The following ARHGAP42 variants were observed in gnomAD, a reference collection of about 807,000 sequenced individuals.
The protein encoded by ARHGAP42 is Rho GTPase activating protein 42.
A neutral mutation model predicts 125.0 loss-of-function variants in ARHGAP42; 63 were observed. The observed-to-expected ratio is 0.50, with a 90% confidence interval of 0.41 to 0.62. The LOEUF (loss-of-function observed/expected upper bound fraction) is 0.62, where lower values mean the gene tolerates loss of function less well. ARHGAP42 is among the 20% of genes least tolerant of loss of function. The pLI is 0.00. For missense variants in ARHGAP42, 766 were observed against 1,024.2 expected, an observed-to-expected ratio of 0.75 and a Z score of 3.44; for synonymous variants, 339 against 351.0, an observed-to-expected ratio of 0.97 and a Z score of 0.38.
chr11:100,921,214 C>T (rs10750597), intron 5 of ARHGAP42, among the ~76,000 whole-genome samples: 6,229 of 35,870 alleles, frequency 0.17, 687 homozygotes, highest in Middle Eastern at 0.27. Flanking sequence ...TATATATATA[C>T]ATATATATAT....
At position 100,976,114 on chromosome 11, in the gene ARHGAP42, C is replaced by T. The variant is rs1481222852; in HGVS notation, c.1913C>T (p.Ser638Phe). Residue 638 changes from serine to phenylalanine, a missense_variant, in exon 20 of 24, where the codon TCT becomes TTT. By Grantham distance (155) the Ser-to-Phe change is radical (BLOSUM62 -2). Around this residue, in one of 3 missense-constraint regions of ARHGAP42, gnomAD observed 308 missense variants for 369.7 expected, o/e 0.83. Coordinates refer to ENST00000298815, the MANE Select transcript of ARHGAP42 (RefSeq NM_152432.4). ...STPMGSIESLSSHSSEQNSTT... is the reference protein window; with the variant it reads ...STPMGSIESLFSHSSEQNSTT... ...CCTATGGGGAGCATTGAGTCACTCT[C>T]TTCTCATTCCTCTGAACAAAATAGC... The T allele has an allele frequency of 6.4e-6, 10 of 1,550,540 alleles. No individual in the cohort carries two copies. The highest frequency in any genetic ancestry group is 2.7e-5 in the African/African-American group (2 of 73,042).
chr11:100,701,221 A>T (rs573815903), intron 1 of ARHGAP42, among the ~76,000 whole-genome samples: 22 of 151,220 alleles, frequency 1.5e-4, no homozygotes, highest in Non-Finnish European at 2.5e-4. Flanking sequence ...GTGTACTGTC[A>T]TTCAGGCTTT....
intron 7 of ARHGAP42, among the ~76,000 whole-genome samples, chr11:100,935,771 A>G (rs539488724): frequency 4.5e-4 from 69 of 152,246 alleles, no homozygotes; most frequent in African/African-American, 1.4e-3. Flanking sequence ...TTGGGACCCA[A>G]CATCACAAAG....
At chr11:100,860,804 A>C (rs974371462) in intron 4 of ARHGAP42, among the ~76,000 whole-genome samples, 1 of 152,140 alleles carries the variant, frequency 6.6e-6, no homozygotes, top group African/African-American at 2.4e-5. Context: ...CTTGATTAGA[A>C]TTTTATGTGC....
Position 100,740,532 on chromosome 11 carries a change from A to G in ARHGAP42, c.155-29811A>G, listed in dbSNP as rs919136387. ...TAAAGTGCTATTCTTTGCCATTTGA[A>G]GGCAGTATCATTCATGCCATGAACA... On this transcript the variant is annotated intron_variant, in intron 1 of 23. Coordinates refer to ENST00000298815, the MANE Select transcript of ARHGAP42 (RefSeq NM_152432.4). Among the ~76,000 whole-genome samples the G allele has an allele frequency of 6.6e-5, 10 of 152,244 alleles. 1 individual carries two copies. The highest frequency in any genetic ancestry group is 3.9e-4 in the Admixed American group (6 of 15,280).
At chr11:100,752,355 T>C (rs1466099511) in intron 1 of ARHGAP42, among the ~76,000 whole-genome samples, 1 of 152,214 alleles carries the variant, frequency 6.6e-6, no homozygotes, top group Non-Finnish European at 1.5e-5. Flanking sequence ...GTTGGGGTAT[T>C]GTTGCAGACT....
intron 4 of ARHGAP42, among the ~76,000 whole-genome samples, chr11:100,876,746 A>G (rs1204373774): frequency 6.6e-6 from 1 of 152,252 alleles, no homozygotes; most frequent in Non-Finnish European, 1.5e-5. Flanking sequence ...GGTAAGCTCT[A>G]CCATTTATAT....
chr11:100,905,319 G>A (rs1866694823), intron 4 of ARHGAP42, among the ~76,000 whole-genome samples: 1 of 152,208 alleles, frequency 6.6e-6, no homozygotes, highest in African/African-American at 2.4e-5. Context: ...CAGAGATGGA[G>A]CAAGGAGCTG....
intron 1 of ARHGAP42, among the ~76,000 whole-genome samples, chr11:100,727,091 A>C (rs1052101413): frequency 6.6e-6 from 1 of 152,220 alleles, no homozygotes; most frequent in Non-Finnish European, 1.5e-5. Context: ...CCATAGATGA[A>C]AGAAATGAAG....
intron 1 of ARHGAP42, among the ~76,000 whole-genome samples, chr11:100,749,474 T>C (rs1388740590): frequency 6.6e-6 from 1 of 151,394 alleles, no homozygotes; most frequent in Non-Finnish European, 1.5e-5. Flanking sequence ...AAACCAGGCA[T>C]GTCTCGCCTG....
At chr11:100,770,555 G>A in intron 2 of ARHGAP42, 117 bp downstream of exon 2, 2 of 804,954 alleles carry the variant, frequency 2.5e-6, no homozygotes, top group Non-Finnish European at 3.6e-6. Context: ...AATACTATAA[G>A]AGTGATTTTA....
chr11:100,918,577 C>T (rs371326736), intron 5 of ARHGAP42, among the ~76,000 whole-genome samples: 178 of 152,238 alleles, frequency 1.2e-3, no homozygotes, highest in Non-Finnish European at 2.0e-3. Flanking sequence ...ATATATAGTA[C>T]CAGTTGCTAG....
intron 1 of ARHGAP42, among the ~76,000 whole-genome samples, chr11:100,714,827 C>T (rs944744626): frequency 2.6e-5 from 4 of 151,852 alleles, no homozygotes; most frequent in African/African-American, 4.8e-5. Context: ...CCTAGGAGTT[C>T]GAGAGCCGAG....
chr11:100,688,538 A>G (rs1861130236), intron 1 of ARHGAP42, among the ~76,000 whole-genome samples: 1 of 151,958 alleles, frequency 6.6e-6, no homozygotes, highest in Non-Finnish European at 1.5e-5. Context: ...GGCTTCTTCC[A>G]CCTCCTTTCC....
At chr11:100,693,847 G>A (rs1049832399) in intron 1 of ARHGAP42, among the ~76,000 whole-genome samples, 3 of 152,142 alleles carry the variant, frequency 2.0e-5, no homozygotes, top group Non-Finnish European at 2.9e-5. Context: ...TTGGAGTACA[G>A]TGCTGATTGT....
At chr11:100,951,394 T>C (rs1857647516) in intron 12 of ARHGAP42, among the ~76,000 whole-genome samples, 1 of 152,188 alleles carries the variant, frequency 6.6e-6, no homozygotes, top group African/African-American at 2.4e-5. Flanking sequence ...GTACTGAATG[T>C]TCATTCTAAA....
At chr11:100,830,483 G>A (rs942007285) in intron 3 of ARHGAP42, among the ~76,000 whole-genome samples, 3 of 151,882 alleles carry the variant, frequency 2.0e-5, no homozygotes, top group African/African-American at 2.4e-5. Flanking sequence ...GAGCCGCAGC[G>A]TCAGCCTCGC....
At chr11:100,690,421 A>G (rs564277647) in intron 1 of ARHGAP42, among the ~76,000 whole-genome samples, 31 of 152,230 alleles carry the variant, frequency 2.0e-4, no homozygotes, top group African/African-American at 5.8e-4. Context: ...GACTATTCCA[A>G]TAAGAGTCAC....
intron 16 of ARHGAP42, among the ~76,000 whole-genome samples, chr11:100,964,523 A>T (rs2135304482): frequency 1.3e-5 from 2 of 152,304 alleles, no homozygotes; most frequent in South Asian, 4.1e-4. Context: ...CTGCGCCCAG[A>T]TGAAATGGTA....
Sources: gnomAD v4.1 joint callset for allele counts (sites outside exome capture counted in the v4.1 genomes callset) on GRCh38, gnomAD v4.1.1 for gene constraint, gnomAD v4.1.1 regional missense constraint, MANE v1.5 for transcripts, NCBI Gene and HGNC (gene_info 2026-07-23, HGNC 2026-07-21) for gene names.